MSRB3: variants seen among roughly 807,000 people sequenced by gnomAD.
MSRB3 encodes methionine-R-sulfoxide reductase B3.
In MSRB3, 13 loss-of-function variants were observed where a neutral mutation model predicts 21.0. The ratio of observed to expected loss-of-function variants is 0.62; its 90% CI spans 0.40 to 0.98. The LOEUF (loss-of-function observed/expected upper bound fraction) is 0.98. Ranked by LOEUF, MSRB3 falls within the 50% of genes least tolerant of loss-of-function variation. The pLI is 0.00. For missense variants in MSRB3, 199 were observed against 230.3 expected, an observed-to-expected ratio of 0.86 and a Z score of 0.88; for synonymous variants, 87 against 88.6, an observed-to-expected ratio of 0.98 and a Z score of 0.10.
chr12:65,331,655 G>T (rs1205967780), intron 4 of MSRB3, among the ~76,000 whole-genome samples: 1 of 152,220 alleles, frequency 6.6e-6, no homozygotes, highest in Non-Finnish European at 1.5e-5. Context: ...TAGCCGCTGG[G>T]TGCTGCTCAT....
At chr12:65,300,675 T>C (rs7133940) in intron 1 of MSRB3, among the ~76,000 whole-genome samples, 13,181 of 152,204 alleles carry the variant, frequency 0.087, 1,961 homozygotes, top group African/African-American at 0.3. Context: ...ATCCCAATGG[T>C]TTAAAATGCT....
intron 6 of MSRB3, among the ~76,000 whole-genome samples, chr12:65,461,597 G>A (rs1265811898): frequency 6.6e-6 from 1 of 152,150 alleles, no homozygotes; most frequent in African/African-American, 2.4e-5. Flanking sequence ...GAATACTTGA[G>A]AATTGAGCTT....
At chr12:65,406,851 G>A (rs59007638) in intron 5 of MSRB3, among the ~76,000 whole-genome samples, 13 of 152,266 alleles carry the variant, frequency 8.5e-5, no homozygotes, top group African/African-American at 3.1e-4. Flanking sequence ...GAACTAGCTA[G>A]GTCCATTTTG....
chr12:65,348,800 T>C (rs1321970713), intron 4 of MSRB3, among the ~76,000 whole-genome samples: 1 of 152,188 alleles, frequency 6.6e-6, no homozygotes, highest in East Asian at 1.9e-4. Context: ...TTGTTCTCAT[T>C]GGTTTCAAAG....
At chr12:65,393,195 TG>T (rs1879577569) in intron 5 of MSRB3, among the ~76,000 whole-genome samples, 1 of 152,206 alleles carries the variant, frequency 6.6e-6, no homozygotes, top group Non-Finnish European at 1.5e-5. Context: ...GTCTTATATT[TG>T]ACCATATTTG....
At chr12:65,297,720 C>A (rs1005077814) in intron 1 of MSRB3, among the ~76,000 whole-genome samples, 1 of 152,034 alleles carries the variant, frequency 6.6e-6, no homozygotes, top group Non-Finnish European at 1.5e-5. Context: ...TTCTAATGAG[C>A]CATAGAAGCA....
intron 6 of MSRB3, among the ~76,000 whole-genome samples, chr12:65,458,464 T>C (rs1222950576): frequency 6.6e-6 from 1 of 152,208 alleles, no homozygotes; most frequent in Non-Finnish European, 1.5e-5. Context: ...GGTTCAGTCC[T>C]ATCACCACTT....
At chr12:65,414,001 G>A (rs1880847219) in intron 5 of MSRB3, among the ~76,000 whole-genome samples, 1 of 152,122 alleles carries the variant, frequency 6.6e-6, no homozygotes, top group African/African-American at 2.4e-5. Flanking sequence ...AGAGAAGCAG[G>A]CCAGTATTGC....
intron 1 of MSRB3, among the ~76,000 whole-genome samples, chr12:65,296,463 A>G (rs566599339): frequency 1.3e-5 from 2 of 152,270 alleles, no homozygotes; most frequent in Non-Finnish European, 2.9e-5. Context: ...AATGAAGTAC[A>G]TGTTATGATC....
rs780302211 is a variant in MSRB3 at position 65,337,430 on chromosome 12, C to CAAA, written c.263+8852_263+8854dup. 3.4e-4 allele frequency among the ~76,000 whole-genome samples: 15 copies of CAAA among 43,570 alleles called. 1 individual carries two copies. Among genetic ancestry groups the CAAA allele is most frequent in the African/African-American group, 6.7e-4 (8 of 11,876 alleles). 28.6% of individuals were successfully genotyped at this position (43,570 alleles called of 152,430 possible). ...GCCTGGTGACAGAGTGAGACTACAT[C>CAAA]AAAAAAAAAAAAAAAAAAAAAAAAA... On this transcript the variant is annotated intron_variant, in intron 4 of 6. Transcript: ENST00000308259.
chr12:65,435,299 T>G (rs933462792), intron 5 of MSRB3, among the ~76,000 whole-genome samples: 8 of 152,002 alleles, frequency 5.3e-5, no homozygotes, highest in African/African-American at 1.7e-4. Flanking sequence ...ATCTATATTT[T>G]AAAATGTTTT....
At chr12:65,320,061 A>G (rs899215591) in intron 2 of MSRB3, among the ~76,000 whole-genome samples, 6 of 152,232 alleles carry the variant, frequency 3.9e-5, no homozygotes, top group Non-Finnish European at 7.3e-5. Flanking sequence ...TGGCATGCTT[A>G]TAATATCCAT....
chr12:65,288,916 CT>C (rs1353488962), intron 1 of MSRB3, among the ~76,000 whole-genome samples: 6 of 152,078 alleles, frequency 3.9e-5, no homozygotes, highest in African/African-American at 1.2e-4. Context: ...AAGATTTGTC[CT>C]TTTTATGAGA....
At chr12:65,365,899 A>G (rs908330612) in intron 4 of MSRB3, among the ~76,000 whole-genome samples, 4 of 152,132 alleles carry the variant, frequency 2.6e-5, no homozygotes, top group African/African-American at 7.2e-5. Flanking sequence ...GAGGAGGGAA[A>G]GGCTCACTCA....
At chr12:65,291,010 A>G (rs1416157930) in intron 1 of MSRB3, among the ~76,000 whole-genome samples, 4 of 152,166 alleles carry the variant, frequency 2.6e-5, no homozygotes, top group Non-Finnish European at 5.9e-5. Flanking sequence ...ACTTTGTAAC[A>G]CAACTTTCTT....
At chr12:65,366,540 A>C (rs753418443) in intron 4 of MSRB3, among the ~76,000 whole-genome samples, 2 of 152,110 alleles carry the variant, frequency 1.3e-5, no homozygotes, top group Non-Finnish European at 2.9e-5. Flanking sequence ...ATTGGTTATG[A>C]GGTTATTCAG....
At chr12:65,351,957 AT>A (rs1877032836) in intron 4 of MSRB3, among the ~76,000 whole-genome samples, 1 of 152,160 alleles carries the variant, frequency 6.6e-6, no homozygotes, top group Admixed American at 6.6e-5. Flanking sequence ...TCCCTAACTC[AT>A]TTTATGAGGC....
At chr12:65,314,852 C>T (rs1874193187) in intron 2 of MSRB3, among the ~76,000 whole-genome samples, 1 of 152,100 alleles carries the variant, frequency 6.6e-6, no homozygotes, top group South Asian at 2.1e-4. Context: ...GATAATTCTA[C>T]AGGGTTAGAA....
chr12:65,294,332 C>T (rs1285440310), intron 1 of MSRB3, among the ~76,000 whole-genome samples: 1 of 152,244 alleles, frequency 6.6e-6, no homozygotes, highest in East Asian at 1.9e-4. Context: ...CTGAATCTCA[C>T]TAACTTGCAG....
Sources: gnomAD v4.1 joint callset for allele counts (sites outside exome capture counted in the v4.1 genomes callset) on GRCh38, gnomAD v4.1.1 for gene constraint, MANE v1.5 for transcripts, NCBI Gene and HGNC (gene_info 2026-07-23, HGNC 2026-07-21) for gene names.